NCOA1: variants seen among roughly 807,000 people sequenced by gnomAD.
The protein encoded by NCOA1 is Hin-2 protein.
A neutral mutation model predicts 150.9 loss-of-function variants in NCOA1; 35 were observed. The observed-to-expected ratio is 0.23, with a 90% CI of 0.18 to 0.31. The LOEUF (loss-of-function observed/expected upper bound fraction) is 0.31. NCOA1 is among the 10% of genes least tolerant of loss of function. The pLI, the probability that NCOA1 is intolerant of heterozygous loss-of-function variation, is 1.00. For missense variants in NCOA1, 1,491 were observed against 1,749.3 expected (o/e 0.85, Z 2.63); for synonymous variants, 590 against 630.0 (o/e 0.94, Z 0.95).
intron 3 of NCOA1, among the ~76,000 whole-genome samples, chr2:24,639,916 GTATATATATATATATATATATATATA>G (rs67632791): frequency 0.014 from 410 of 29,738 alleles, 41 homozygotes; most frequent in Middle Eastern, 0.05. Context: ...ATGTGTGTGT[GTATATATATATATATATATATATATA>G]TATATATATA....
chr2:24,681,492 C>T lies in NCOA1; in HGVS notation c.355-1459C>T, dbSNP rs549796579. ...CAGTATCACGTCATTTTCAGTGTCACGACATTTTCAGTATCACGTCATTTT... is the reference window on the plus strand; with the variant it reads ...CAGTATCACGTCATTTTCAGTGTCATGACATTTTCAGTATCACGTCATTTT... On this transcript the variant is annotated intron_variant, in intron 7 of 22. Transcript: ENST00000348332. Among the ~76,000 whole-genome samples, 102 of 152,262 alleles carry T rather than the reference C, an allele frequency of 6.7e-4. 1 individual carries two copies. Among genetic ancestry groups the T allele is most frequent in the African/African-American group, 2.4e-3 (98 of 41,546 alleles).
At chr2:24,666,632 AC>A (rs1671442304) in intron 6 of NCOA1, among the ~76,000 whole-genome samples, 1 of 122,280 alleles carries the variant, frequency 8.2e-6, no homozygotes, top group African/African-American at 2.7e-5. Context: ...CTCTGAAAAA[AC>A]CCGGATTTTT....
chr2:24,608,428 G>A (rs1199429496), intron 3 of NCOA1, among the ~76,000 whole-genome samples: 1 of 151,178 alleles, frequency 6.6e-6, no homozygotes, highest in East Asian at 1.9e-4. Context: ...CTACAAGCAC[G>A]TGCTAATTTT....
chr2:24,662,811 A>G (rs1671243303), intron 5 of NCOA1, among the ~76,000 whole-genome samples: 2 of 151,694 alleles, frequency 1.3e-5, no homozygotes, highest in South Asian at 4.2e-4. Flanking sequence ...GTTAAGGGAC[A>G]GGATCTCATT....
At chr2:24,498,611 TTAAA>T (rs1663324151) in intron 1 of NCOA1, among the ~76,000 whole-genome samples, 1 of 152,090 alleles carries the variant, frequency 6.6e-6, no homozygotes, top group Non-Finnish European at 1.5e-5. Context: ...TTCAGGAAGA[TTAAA>T]TAGCAAAGAT....
At chr2:24,517,598 T>C (rs886792682) in intron 1 of NCOA1, among the ~76,000 whole-genome samples, 1 of 152,122 alleles carries the variant, frequency 6.6e-6, no homozygotes, top group East Asian at 1.9e-4. Context: ...AACATACAGG[T>C]ATTTATTTAT....
rs1162282258 is a variant in NCOA1 at position 24,621,432 on chromosome 2, A to ATTTTTTTTTTTTTTTTTTT, written c.-174-22519_-174-22501dup. On this transcript the variant is annotated intron_variant, in intron 3 of 22. Coordinates refer to ENST00000348332, the MANE Select transcript of NCOA1 (RefSeq NM_003743.5). Reference sequence around the variant, plus strand: ...TTGTGTTATGTGTGTATTCAGGCAGATTTTTTTTTTTTTTTTTTTTTTTTT... The same window carrying ATTTTTTTTTTTTTTTTTTT: ...TTGTGTTATGTGTGTATTCAGGCAGATTTTTTTTTTTTTTTTTTTTTTTTTTTTTTTTTTTTTTTTTTTT... Among the ~76,000 whole-genome samples, 6 of 38,892 alleles carry ATTTTTTTTTTTTTTTTTTT rather than the reference A, an allele frequency of 1.5e-4. 1 individual carries two copies. Among genetic ancestry groups the ATTTTTTTTTTTTTTTTTTT allele is most frequent in the African/African-American group, 3.5e-4 (3 of 8,606 alleles). The allele number at this position is 38,892 out of a possible 152,430, so 25.5% of individuals were successfully genotyped here. A position where few individuals can be genotyped will look rare whatever the true frequency, so the allele number is the denominator to read the frequency against.
At chr2:24,504,043 C>T (rs1663588888) in intron 1 of NCOA1, among the ~76,000 whole-genome samples, 1 of 152,142 alleles carries the variant, frequency 6.6e-6, no homozygotes, top group Admixed American at 6.5e-5. Flanking sequence ...CTACTTGTCT[C>T]TGTTTTTACA....
At chr2:24,747,622 C>T (rs1664002965) in intron 19 of NCOA1, among the ~76,000 whole-genome samples, 1 of 152,060 alleles carries the variant, frequency 6.6e-6, no homozygotes, top group Non-Finnish European at 1.5e-5. Flanking sequence ...AGCCACCACA[C>T]CAAGGCTATA....
chr2:24,610,811 C>G (rs868559430), intron 3 of NCOA1, among the ~76,000 whole-genome samples: 2 of 150,732 alleles, frequency 1.3e-5, no homozygotes, highest in African/African-American at 2.4e-5. Context: ...TAACTGGAAC[C>G]CTGTGTAACT....
At chr2:24,651,002 T>C (rs1670687155) in intron 4 of NCOA1, among the ~76,000 whole-genome samples, 1 of 152,182 alleles carries the variant, frequency 6.6e-6, no homozygotes, top group African/African-American at 2.4e-5. Context: ...GGTTTGGGAT[T>C]TTTAGATTTG....
At chr2:24,537,499 T>TCG (rs1491437996) in intron 1 of NCOA1, among the ~76,000 whole-genome samples, 2 of 149,130 alleles carry the variant, frequency 1.3e-5, no homozygotes, top group Non-Finnish European at 3.0e-5. Context: ...TGTGTGTGTG[T>TCG]CTCTCTCTCT....
At chr2:24,679,190 T>A (rs1321509044) in intron 7 of NCOA1, among the ~76,000 whole-genome samples, 1 of 152,236 alleles carries the variant, frequency 6.6e-6, no homozygotes, top group Non-Finnish European at 1.5e-5. Flanking sequence ...GATTGATTAC[T>A]GAATGCATAG....
chr2:24,655,489 A>G (rs1670897935), intron 4 of NCOA1, among the ~76,000 whole-genome samples: 1 of 152,210 alleles, frequency 6.6e-6, no homozygotes, highest in South Asian at 2.1e-4. Flanking sequence ...AGATCCTATA[A>G]TAGACTCACA....
intron 11 of NCOA1, among the ~76,000 whole-genome samples, chr2:24,704,271 A>G (rs982696120): frequency 2.8e-4 from 43 of 152,212 alleles, no homozygotes; most frequent in Admixed American, 2.4e-3. Flanking sequence ...TTAAATTTGA[A>G]TATTAGTTAA....
intron 12 of NCOA1, 94 bp downstream of exon 12, chr2:24,705,327 A>G: frequency 7.6e-7 from 1 of 1,308,668 alleles, no homozygotes; most frequent in Non-Finnish European, 1.1e-6. Flanking sequence ...TAGAAAGCAG[A>G]AATTCTAAAT....
chr2:24,691,589 C>T lies in NCOA1; in HGVS notation c.641C>T (p.Ala214Val). Residue 214 changes from alanine to valine, a missense_variant, in exon 9 of 23, where the codon GCT (alanine) becomes GTT (valine). By Grantham distance (64) the Ala-to-Val change is moderately conservative. Coordinates refer to ENST00000348332, the MANE Select transcript of NCOA1 (RefSeq NM_003743.5). ...PDEPGTENQEACQRYEVMQCF... is the reference protein window; with the variant it reads ...PDEPGTENQEVCQRYEVMQCF... ...GAGCCAGGGACCGAGAACCAAGAAG[C>T]TTGCCAGCGTTATGAAGTAATGCAG... 1.2e-6 allele frequency: 2 copies of T among 1,614,182 alleles called. No homozygotes were observed. Among genetic ancestry groups the T allele is most frequent in the South Asian group, 1.1e-5 (1 of 91,082 alleles).
chr2:24,602,802 C>A (rs1668185330), intron 3 of NCOA1, among the ~76,000 whole-genome samples: 1 of 152,142 alleles, frequency 6.6e-6, no homozygotes, highest in Non-Finnish European at 1.5e-5. Flanking sequence ...GTGTCATGTA[C>A]ATCAGCCTCA....
intron 1 of NCOA1, among the ~76,000 whole-genome samples, chr2:24,506,962 A>G (rs568673343): frequency 6.6e-6 from 1 of 152,220 alleles, no homozygotes; most frequent in Non-Finnish European, 1.5e-5. Context: ...TATTAAAACA[A>G]ACAGCTTTAT....
Sources: gnomAD v4.1 joint callset for allele counts (sites outside exome capture counted in the v4.1 genomes callset) on GRCh38, gnomAD v4.1.1 for gene constraint, MANE v1.5 for transcripts, NCBI Gene and HGNC (gene_info 2026-07-23, HGNC 2026-07-21) for gene names.